Variants in CSMD1 observed in about 807,000 individuals in gnomAD.
CSMD1 encodes CUB and sushi domain-containing protein 1.
Under a neutral mutation model 417.5 loss-of-function variants are expected in CSMD1, and 213 were observed. That is an observed-to-expected ratio of 0.51 (90% confidence interval 0.46 to 0.57). CSMD1 has a LOEUF of 0.57. Among genes scored for constraint, CSMD1 ranks in the 20% least tolerant of loss-of-function variants. CSMD1 has a pLI of 0.00. For synonymous variants in CSMD1, 2,862 were observed against 1,736.8 expected (o/e 1.65, Z -16.11); for missense variants, 6,923 against 4,529.7 (o/e 1.53, Z -15.17).
chr8:4,129,607 C>G (rs181074566), intron 3 of CSMD1, among the ~76,000 whole-genome samples: 5 of 152,070 alleles, frequency 3.3e-5, no homozygotes, highest in Non-Finnish European at 5.9e-5. Context: ...TATTACTGAC[C>G]TACTCTGACT....
chr8:4,055,965 C>A (rs1177335953), intron 3 of CSMD1, among the ~76,000 whole-genome samples: 3 of 152,052 alleles, frequency 2.0e-5, no homozygotes, highest in African/African-American at 7.2e-5. Context: ...ACACACCCTA[C>A]CTGAGTTTTC....
intron 5 of CSMD1, among the ~76,000 whole-genome samples, chr8:3,852,013 G>C (rs568643100): frequency 6.6e-6 from 1 of 152,152 alleles, no homozygotes; most frequent in Non-Finnish European, 1.5e-5. Context: ...GCAATCACCG[G>C]TGAGGACAAG....
intron 11 of CSMD1, among the ~76,000 whole-genome samples, chr8:3,473,414 A>T (rs1356609165): frequency 6.6e-6 from 1 of 152,198 alleles, no homozygotes; most frequent in Non-Finnish European, 1.5e-5. Context: ...AAAATTTCAT[A>T]CAGTAAAAGC....
At chr8:4,834,166 T>A (rs904352951) in intron 1 of CSMD1, among the ~76,000 whole-genome samples, 5 of 152,160 alleles carry the variant, frequency 3.3e-5, no homozygotes, top group African/African-American at 1.2e-4. Flanking sequence ...AAAACAAGGA[T>A]GTGTTATGTC....
chr8:4,872,187 G>C lies in CSMD1; in HGVS notation c.85+122145C>G, dbSNP rs192547073. Among the ~76,000 whole-genome samples, 9 of 152,222 alleles carry C rather than the reference G, an allele frequency of 5.9e-5. No individual in the cohort carries two copies. The East Asian group carries it at 1.5e-3, about 26-fold the overall frequency. On this transcript the variant is annotated intron_variant, in intron 1 of 69. Transcript: ENST00000635120. ...AAACTAAGGCACTCTGTGTTAGCCT[G>C]TGTGACTCAAGTAAGGCATAGAGGC...
chr8:4,270,691 G>A (rs910230150), intron 3 of CSMD1, among the ~76,000 whole-genome samples: 9 of 152,096 alleles, frequency 5.9e-5, no homozygotes, highest in African/African-American at 2.2e-4. Flanking sequence ...TACTAAAACC[G>A]TCTGATCCTT....
intron 5 of CSMD1, among the ~76,000 whole-genome samples, chr8:3,761,077 A>G (rs148203284): frequency 2.3e-3 from 352 of 152,272 alleles, no homozygotes; most frequent in African/African-American, 8.0e-3. Flanking sequence ...AGTTCCTGAC[A>G]TGTTATGTTT....
At chr8:4,566,698 A>T (rs1798629170) in intron 2 of CSMD1, among the ~76,000 whole-genome samples, 1 of 149,894 alleles carries the variant, frequency 6.7e-6, no homozygotes, top group Non-Finnish European at 1.5e-5. Context: ...TTTTGGTATA[A>T]TTTTGGAATA....
intron 5 of CSMD1, among the ~76,000 whole-genome samples, chr8:3,853,147 C>A (rs1300318666): frequency 6.6e-6 from 1 of 152,170 alleles, no homozygotes; most frequent in Non-Finnish European, 1.5e-5. Flanking sequence ...GAGCCCGCGT[C>A]CCTTGGCTTC....
At chr8:3,538,806 C>T (rs1798315237) in intron 10 of CSMD1, among the ~76,000 whole-genome samples, 1 of 152,192 alleles carries the variant, frequency 6.6e-6, no homozygotes. Context: ...GCACCAAGAG[C>T]CTGGTGGAAG....
intron 7 of CSMD1, among the ~76,000 whole-genome samples, chr8:3,628,709 A>T (rs1165834646): frequency 1.3e-5 from 2 of 151,952 alleles, no homozygotes; most frequent in Admixed American, 1.3e-4. Flanking sequence ...AAGTGTAGGC[A>T]CCCTGCAGAT....
At chr8:3,689,040 A>C (rs1275201101) in intron 7 of CSMD1, among the ~76,000 whole-genome samples, 3 of 152,222 alleles carry the variant, frequency 2.0e-5, no homozygotes, top group Non-Finnish European at 4.4e-5. Flanking sequence ...GCAGGAATCT[A>C]AGGGTCATCT....
intron 1 of CSMD1, among the ~76,000 whole-genome samples, chr8:4,698,401 C>T (rs1807275462): frequency 6.6e-6 from 1 of 152,176 alleles, no homozygotes; most frequent in African/African-American, 2.4e-5. Flanking sequence ...TTCTGAGGAC[C>T]TCCAAAGCTC....
chr8:4,296,974 G>A (rs572861839), intron 3 of CSMD1, among the ~76,000 whole-genome samples: 1 of 152,132 alleles, frequency 6.6e-6, no homozygotes, highest in East Asian at 1.9e-4. Flanking sequence ...TAAGTCAGAT[G>A]ACAATAGTGC....
At chr8:3,575,868 A>G (rs1234669596) in intron 9 of CSMD1, among the ~76,000 whole-genome samples, 1 of 151,988 alleles carries the variant, frequency 6.6e-6, no homozygotes, top group Non-Finnish European at 1.5e-5. Flanking sequence ...AAATCAATAC[A>G]CATATTTTAG....
intron 49 of CSMD1, among the ~76,000 whole-genome samples, chr8:3,053,228 TGCA>T (rs1372469958): frequency 2.0e-5 from 3 of 152,344 alleles, no homozygotes; most frequent in South Asian, 2.1e-4. Context: ...ACCACTCTCA[TGCA>T]GCTTAGCCGC....
At chr8:3,893,087 G>C (rs1025356604) in intron 5 of CSMD1, among the ~76,000 whole-genome samples, 1 of 151,706 alleles carries the variant, frequency 6.6e-6, no homozygotes, top group Admixed American at 6.6e-5. Flanking sequence ...GCTGGAATTA[G>C]CTTTCTATTA....
chr8:4,054,894 T>G (rs1439167594), intron 3 of CSMD1, among the ~76,000 whole-genome samples: 5 of 152,244 alleles, frequency 3.3e-5, no homozygotes, highest in Admixed American at 2.6e-4. Flanking sequence ...AGGCTACGTC[T>G]GCCTGTGCCC....
At chr8:3,199,421 C>A (rs1796871424) in intron 33 of CSMD1, among the ~76,000 whole-genome samples, 1 of 152,068 alleles carries the variant, frequency 6.6e-6, no homozygotes, top group Non-Finnish European at 1.5e-5. Context: ...TTGAAGTCAT[C>A]TTACGAGATG....
Sources: allele counts gnomAD v4.1 joint callset (sites outside exome capture counted in the v4.1 genomes callset), GRCh38; gene constraint gnomAD v4.1.1; transcripts MANE v1.5; gene names NCBI Gene and HGNC (gene_info 2026-07-23, HGNC 2026-07-21).